TPRG1: variants seen among roughly 807,000 people sequenced by gnomAD.
TPRG1 encodes tumor protein p63 regulated 1.
Under a neutral mutation model 29.3 loss-of-function variants are expected in TPRG1, and 29 were observed. The observed-to-expected ratio is 0.99, with a 90% CI of 0.74 to 1.35. The LOEUF (loss-of-function observed/expected upper bound fraction) is 1.35. Among genes scored for constraint, TPRG1 ranks in the 40% most tolerant of loss-of-function variants. The pLI, the probability that TPRG1 is intolerant of heterozygous loss-of-function variation, is 0.00. For missense variants in TPRG1, 327 were observed against 335.0 expected (o/e 0.98, Z 0.19); for synonymous variants, 130 against 116.8 (o/e 1.11, Z -0.73).
intron 4 of TPRG1, among the ~76,000 whole-genome samples, chr3:189,302,096 T>G (rs866281021): frequency 6.6e-6 from 1 of 152,232 alleles, no homozygotes; most frequent in Non-Finnish European, 1.5e-5. Context: ...TATGATTTCC[T>G]GTCTTCAAAG....
chr3:189,177,589 T>C (rs1008996337), intron 1 of TPRG1, among the ~76,000 whole-genome samples: 2 of 151,768 alleles, frequency 1.3e-5, no homozygotes, highest in African/African-American at 4.8e-5. Context: ...AAGGAGTTAG[T>C]ATCGATAGAA....
At position 189,320,847 on chromosome 3, in the gene TPRG1, C is replaced by T; in HGVS notation, c.*27C>T. 1 of 1,503,022 alleles carries T rather than the reference C, an allele frequency of 6.7e-7. No individual in the cohort carries two copies. Among genetic ancestry groups the T allele is most frequent in the Non-Finnish European group, 8.9e-7 (1 of 1,121,238 alleles). 93.1% of individuals were successfully genotyped at this position (1,503,022 alleles called of 1,614,324 possible). A position where few individuals can be genotyped will look rare whatever the true frequency, so the allele number is the denominator to read the frequency against. On this transcript the variant is annotated 3_prime_UTR_variant, in exon 6 of 6. Coordinates refer to ENST00000345063, the MANE Select transcript of TPRG1 (RefSeq NM_198485.4). Reference sequence around the variant, plus strand: ...AGTCTTTTTGGTACCATAAGCATATCATCCACAGATATGTCACTTTGAAAA... The same window carrying T: ...AGTCTTTTTGGTACCATAAGCATATTATCCACAGATATGTCACTTTGAAAA...
At chr3:189,173,814 C>T (rs1426078805) in intron 1 of TPRG1, among the ~76,000 whole-genome samples, 1 of 152,058 alleles carries the variant, frequency 6.6e-6, no homozygotes, top group Non-Finnish European at 1.5e-5. Flanking sequence ...AACTAGATGT[C>T]CTTTAAGATT....
At chr3:189,223,826 A>G (rs1336144872) in intron 3 of TPRG1, among the ~76,000 whole-genome samples, 2 of 152,192 alleles carry the variant, frequency 1.3e-5, no homozygotes, top group Non-Finnish European at 2.9e-5. Flanking sequence ...GTTTTTTGCC[A>G]TATGTTATGT....
At chr3:189,044,379 A>G (rs577594391) in intron 4 of TPRG1, among the ~76,000 whole-genome samples, 2 of 152,202 alleles carry the variant, frequency 1.3e-5, no homozygotes, top group Non-Finnish European at 2.9e-5. Flanking sequence ...ACATGGCAAA[A>G]CGCTGTCTCT....
intron 4 of TPRG1, among the ~76,000 whole-genome samples, chr3:189,085,209 G>A (rs1424555663): frequency 3.9e-5 from 6 of 152,266 alleles, no homozygotes; most frequent in Admixed American, 1.3e-4. Context: ...GGTACATTAC[G>A]GTCCTATAGG....
intron 1 of TPRG1, among the ~76,000 whole-genome samples, chr3:189,124,569 C>T (rs969241365): frequency 1.4e-4 from 20 of 145,232 alleles, no homozygotes; most frequent in East Asian, 6.0e-4. Flanking sequence ...TATATATATA[C>T]ACACACACAC....
At chr3:189,131,305 C>T (rs1023500791) in intron 2 of TPRG1, among the ~76,000 whole-genome samples, 5 of 151,970 alleles carry the variant, frequency 3.3e-5, no homozygotes, top group African/African-American at 4.8e-5. Flanking sequence ...AAATATGATA[C>T]ATTCTAATGT....
chr3:189,242,882 T>A (rs995416316), intron 4 of TPRG1, among the ~76,000 whole-genome samples: 1 of 151,986 alleles, frequency 6.6e-6, no homozygotes, highest in Non-Finnish European at 1.5e-5. Context: ...TTTTATTTCA[T>A]ATTAATTTTG....
At chr3:189,238,960 C>T in intron 4 of TPRG1, 51 bp downstream of exon 4, 1 of 1,468,648 alleles carries the variant, frequency 6.8e-7, no homozygotes, top group Non-Finnish European at 9.1e-7. Flanking sequence ...GATGGACCTG[C>T]AGGGAAAACA....
intron 1 of TPRG1, among the ~76,000 whole-genome samples, chr3:189,126,608 A>T (rs1204779968): frequency 1.3e-5 from 2 of 152,170 alleles, no homozygotes; most frequent in Non-Finnish European, 2.9e-5. Context: ...GGGCAGCAAA[A>T]TGTGTCTGAA....
chr3:189,175,507 C>T (rs142246660), intron 1 of TPRG1, among the ~76,000 whole-genome samples: 38 of 152,240 alleles, frequency 2.5e-4, no homozygotes, highest in African/African-American at 7.7e-4. Flanking sequence ...ATGGGCATTA[C>T]GGCTATTGAC....
chr3:189,169,241 T>C (rs922428365), upstream of TPRG1, among the ~76,000 whole-genome samples: 1 of 152,220 alleles, frequency 6.6e-6, no homozygotes, highest in African/African-American at 2.4e-5. Flanking sequence ...CTTGGCTCAC[T>C]GCAACCTCCG....
intron 4 of TPRG1, among the ~76,000 whole-genome samples, chr3:189,282,740 G>T (rs760121501): frequency 6.6e-6 from 1 of 151,980 alleles, no homozygotes; most frequent in African/African-American, 2.4e-5. Context: ...TTTTCTTTTC[G>T]CATAAAACCA....
chr3:189,002,434 G>A (rs1055850154), intron 2 of TPRG1, among the ~76,000 whole-genome samples: 2 of 152,030 alleles, frequency 1.3e-5, no homozygotes, highest in African/African-American at 4.8e-5. Flanking sequence ...TGATGCCATA[G>A]ACATCAGAGA....
At chr3:189,021,483 A>G (rs1713305766) in intron 3 of TPRG1, among the ~76,000 whole-genome samples, 1 of 151,938 alleles carries the variant, frequency 6.6e-6, no homozygotes, top group Non-Finnish European at 1.5e-5. Context: ...TTTCTCCTTC[A>G]CTTATGAAGC....
intron 4 of TPRG1, among the ~76,000 whole-genome samples, chr3:189,045,055 T>C (rs1237944845): frequency 2.0e-5 from 3 of 152,226 alleles, no homozygotes; most frequent in Non-Finnish European, 2.9e-5. Context: ...AGATCTAATG[T>C]GTCCAGCATA....
intron 5 of TPRG1, among the ~76,000 whole-genome samples, chr3:189,317,432 T>C (rs750662371): frequency 3.3e-5 from 5 of 152,344 alleles, no homozygotes; most frequent in East Asian, 1.9e-4. Context: ...TTATATAATA[T>C]GTGAGCACAC....
intron 4 of TPRG1, among the ~76,000 whole-genome samples, chr3:189,246,024 G>A (rs181073594): frequency 1.7e-4 from 26 of 152,200 alleles, no homozygotes; most frequent in African/African-American, 2.7e-4. Flanking sequence ...TGATTTGGCC[G>A]TGTCCTCACC....
Sources: gnomAD v4.1 joint callset for allele counts (sites outside exome capture counted in the v4.1 genomes callset) on GRCh38, gnomAD v4.1.1 for gene constraint, MANE v1.5 for transcripts, NCBI Gene and HGNC (gene_info 2026-07-23, HGNC 2026-07-21) for gene names.